Variants in ATAD2B observed in about 807,000 individuals in gnomAD.
ATAD2B encodes the protein ATPase family AAA domain containing 2B, also known as ATPase family AAA domain-containing protein 2B.
ATAD2B carries 40 observed loss-of-function variants against 167.6 expected under a neutral mutation model. That is an observed-to-expected ratio of 0.24 (90% confidence interval 0.19 to 0.31). The LOEUF is 0.31. Among genes scored for constraint, ATAD2B ranks in the 10% least tolerant of loss-of-function variants. The probability of loss-of-function intolerance (pLI) is 1.00; values close to 1 mark genes in which losing one functional copy is unlikely to be tolerated. For synonymous variants in ATAD2B, 579 were observed against 596.5 expected (o/e 0.97, Z 0.43); for missense variants, 1,242 against 1,757.2 (o/e 0.71, Z 5.24).
intron 18 of ATAD2B, among the ~76,000 whole-genome samples, chr2:23,800,323 A>G (rs1683284403): frequency 6.6e-6 from 1 of 152,208 alleles, no homozygotes; most frequent in Non-Finnish European, 1.5e-5. Flanking sequence ...AGGGTATGAG[A>G]GAGATAGGAA....
At chr2:23,878,025 A>AAAAAAAAAAAAAAAAAAAAAACAAG (rs1558714074) in intron 7 of ATAD2B, among the ~76,000 whole-genome samples, 1 of 106,876 alleles carries the variant, frequency 9.4e-6, no homozygotes, top group Admixed American at 1.4e-4. Context: ...AAAAAAAAAA[A>AAAAAAAAAAAAAAAAAAAAAACAAG]AAAAAAAAAA....
chr2:23,786,274 C>G (rs1218900429), intron 20 of ATAD2B, 51 bp from the exon 21 acceptor site: 5 of 1,398,864 alleles, frequency 3.6e-6, no homozygotes, highest in African/African-American at 1.5e-5. Context: ...GGGCCAGGAC[C>G]CTTTTTTGGC....
chr2:23,830,390 T>C (rs537871383), intron 14 of ATAD2B, among the ~76,000 whole-genome samples: 1 of 152,364 alleles, frequency 6.6e-6, no homozygotes, highest in East Asian at 1.9e-4. Context: ...TCTGCACTCT[T>C]TGGAGAAAAT....
chr2:23,765,416 A>T, intron 23 of ATAD2B, 90 bp downstream of exon 23: 1 of 1,066,826 alleles, frequency 9.4e-7, no homozygotes, highest in Non-Finnish European at 1.3e-6. Context: ...CTTTCATAAT[A>T]CCAGCAATCC....
the ATAD2B span, among the ~76,000 whole-genome samples, chr2:23,679,855 A>G: frequency 6.6e-6 from 1 of 152,128 alleles, no homozygotes; most frequent in African/African-American, 2.4e-5. Context: ...GTGGTGAAGG[A>G]TAAATACTGC....
At chr2:23,771,353 C>T (rs1678294003) in intron 22 of ATAD2B, among the ~76,000 whole-genome samples, 1 of 152,210 alleles carries the variant, frequency 6.6e-6, no homozygotes, top group Admixed American at 6.5e-5. Context: ...GTGGTAAGAG[C>T]AGACATCCTG....
At chr2:23,921,703 T>A (rs1703950605) in intron 1 of ATAD2B, among the ~76,000 whole-genome samples, 2 of 152,240 alleles carry the variant, frequency 1.3e-5, no homozygotes, top group South Asian at 4.2e-4. Flanking sequence ...CCAGAGACAA[T>A]CCTATGAACT....
Position 23,798,300 on chromosome 2 carries a change from T to G in ATAD2B, c.2478A>C (p.Thr826=). ...GAGGCATGTAAACAATACTAGGTAC[T>G]GTTCTTCGAGCTTCACGAAAAATCT... The part of the protein sequence containing the change: ...CAQIFREARR[T]VPSIVYMPHI... The change falls in exon 19 of 28, where the codon ACA becomes ACC. Residue 826 remains threonine (T), a synonymous_variant. Transcript: ENST00000238789. The G allele has an allele frequency of 6.3e-7, 1 of 1,589,838 alleles. No homozygotes were observed. The highest frequency in any genetic ancestry group is 8.6e-7 in the Non-Finnish European group (1 of 1,166,096).
rs906068690 is a variant in ATAD2B, at chr2:23,887,674, A to G, written c.572+158T>C. On this transcript the variant is annotated intron_variant, in intron 4 of 27. Transcript: ENST00000238789. The stretch of plus-strand genomic sequence containing the variant: ...CATACTCAGTCTCAAAACATCTTCA[A>G]TTCAAAATGTTGAACTGACCCACCA... Among the ~76,000 whole-genome samples, 9 of 152,358 alleles carry G rather than the reference A, an allele frequency of 5.9e-5. No individual in the cohort carries two copies. In the East Asian group the frequency reaches 1.7e-3, roughly 29 times the overall value.
At chr2:23,682,120 C>A in the ATAD2B span, among the ~76,000 whole-genome samples, 15,688 of 152,186 alleles carry the variant, frequency 0.1, 891 homozygotes, top group Middle Eastern at 0.17. The surrounding 1 kb of genome is among the most constrained non-coding windows in gnomAD (Gnocchi z 4.1). Context: ...CTCCCCCTCC[C>A]CACTTCCTTC....
intron 1 of ATAD2B, among the ~76,000 whole-genome samples, chr2:23,896,751 A>G (rs561585594): frequency 8.5e-4 from 130 of 152,340 alleles, no homozygotes; most frequent in Non-Finnish European, 1.5e-3. Flanking sequence ...GATCCTAAAC[A>G]GAAACACATA....
At chr2:23,888,270 C>T in intron 3 of ATAD2B, 80 bp downstream of exon 3, 2 of 986,188 alleles carry the variant, frequency 2.0e-6, no homozygotes, top group Non-Finnish European at 3.1e-6. Flanking sequence ...TATTAAATCA[C>T]TCTATTTTTC....
intron 18 of ATAD2B, among the ~76,000 whole-genome samples, chr2:23,805,501 T>G (rs1684223324): frequency 6.6e-6 from 1 of 152,194 alleles, no homozygotes; most frequent in Admixed American, 6.5e-5. Context: ...GATATTCAGT[T>G]TGTTTGCCTT....
chr2:23,887,612 T>C (rs186352637), intron 4 of ATAD2B, among the ~76,000 whole-genome samples: 4 of 152,318 alleles, frequency 2.6e-5, no homozygotes, highest in East Asian at 1.9e-4. Context: ...GTTGAACGGA[T>C]AGTCAGCTCA....
At chr2:23,848,806 T>A (rs1335038790) in intron 13 of ATAD2B, among the ~76,000 whole-genome samples, 4 of 152,170 alleles carry the variant, frequency 2.6e-5, no homozygotes, top group Non-Finnish European at 5.9e-5. Context: ...ACCATATCAA[T>A]AATCACACTA....
intron 1 of ATAD2B, among the ~76,000 whole-genome samples, chr2:23,918,535 C>A (rs1703416691): frequency 6.6e-6 from 1 of 152,196 alleles, no homozygotes; most frequent in African/African-American, 2.4e-5. Context: ...TACACACTGC[C>A]TCCTGAAATC....
At chr2:23,682,820 C>T in the ATAD2B span, among the ~76,000 whole-genome samples, 5 of 152,196 alleles carry the variant, frequency 3.3e-5, no homozygotes, top group South Asian at 4.1e-4. This position sits in a 1 kb window ranked among gnomAD's most constrained non-coding sequence, Gnocchi z 4.1. Context: ...AGCCCCCTTC[C>T]GCACCCCTGG....
chr2:23,742,163 A>G, the ATAD2B span, among the ~76,000 whole-genome samples: 1 of 152,220 alleles, frequency 6.6e-6, no homozygotes, highest in South Asian at 2.1e-4. Flanking sequence ...TCAGGGACCT[A>G]GAACTAGCAA....
At chr2:23,698,697 A>G in the ATAD2B span, among the ~76,000 whole-genome samples, 48 of 152,304 alleles carry the variant, frequency 3.2e-4, no homozygotes, top group African/African-American at 1.1e-3. Context: ...TTATAGCAAT[A>G]TATTGCAGTC....
Sources: gnomAD v4.1 joint callset for allele counts (sites outside exome capture counted in the v4.1 genomes callset) on GRCh38, gnomAD v4.1.1 for gene constraint, Gnocchi (gnomAD v3.1) non-coding constraint, MANE v1.5 for transcripts, NCBI Gene and HGNC (gene_info 2026-07-23, HGNC 2026-07-21) for gene names.